PCDHGA1: variants seen among roughly 807,000 people sequenced by gnomAD.
PCDHGA1 encodes protocadherin gamma-A1.
A neutral mutation model predicts 58.0 loss-of-function variants in PCDHGA1; 32 were observed. The observed-to-expected ratio is 0.55, with a 90% confidence interval of 0.42 to 0.74. The LOEUF is 0.74. PCDHGA1 is among the 30% of genes least tolerant of loss of function. The pLI is 0.00. For missense variants in PCDHGA1, 1,205 were observed against 1,182.3 expected, an observed-to-expected ratio of 1.02 and a Z score of -0.28; for synonymous variants, 498 against 501.1, an observed-to-expected ratio of 0.99 and a Z score of 0.08.
At position 141,394,267 on chromosome 5, in the gene PCDHGA1, C is replaced by T. The variant is rs563732311; in HGVS notation, c.2421+61162C>T. 1.2e-5 allele frequency: 19 copies of T among 1,613,926 alleles called. No individual in the cohort carries two copies. In the South Asian group the frequency reaches 2.0e-4, roughly 17 times the overall value. On this transcript the variant is annotated intron_variant, in intron 1 of 3. Transcript: ENST00000517417. The stretch of plus-strand genomic sequence containing the variant: ...CACGACCCCGACAGCCAGGAGAATG[C>T]CCAGGTCACTTACTCTGTGACCGAG...
At chr5:141,343,248 A>G (rs897599390) in intron 1 of PCDHGA1, 1 of 927,050 alleles carries the variant, frequency 1.1e-6, no homozygotes, top group African/African-American at 1.8e-5. Context: ...AAATATCGAA[A>G]CTAAGTTATC....
intron 1 of PCDHGA1, chr5:141,400,097 A>G: frequency 6.2e-7 from 1 of 1,614,048 alleles, no homozygotes; most frequent in Non-Finnish European, 8.5e-7. Flanking sequence ...GCCACGCTGC[A>G]CTTGGTCTTT....
intron 3 of PCDHGA1, 72 bp from the exon 4 acceptor site, chr5:141,510,875 C>T: frequency 6.2e-7 from 1 of 1,610,120 alleles, no homozygotes; most frequent in Admixed American, 1.7e-5. Context: ...TCATTAACTG[C>T]TGGGGATATA....
chr5:141,427,895 G>T (rs539406412), intron 1 of PCDHGA1: 3 of 1,569,228 alleles, frequency 1.9e-6, no homozygotes, highest in South Asian at 2.2e-5. Context: ...ACCAGGGCTC[G>T]CCCGCGCTCA....
intron 1 of PCDHGA1, chr5:141,403,576 C>T (rs976638680): frequency 1.9e-6 from 3 of 1,613,946 alleles, no homozygotes; most frequent in Non-Finnish European, 2.5e-6. Context: ...CAACTGCCCA[C>T]CACCTGGTCC....
intron 1 of PCDHGA1, chr5:141,339,962 G>A (rs200945171): frequency 2.5e-6 from 4 of 1,614,152 alleles, no homozygotes; most frequent in Admixed American, 1.7e-5. Context: ...TCTAACCAGA[G>A]CGAAGGTTAT....
intron 1 of PCDHGA1, chr5:141,389,008 G>C (rs1264850198): frequency 6.2e-7 from 1 of 1,613,992 alleles, no homozygotes; most frequent in Admixed American, 1.7e-5. Context: ...AAGGATTCCA[G>C]ACACAATGGA....
At chr5:141,370,384 C>T (rs777134390) in intron 1 of PCDHGA1, 6 of 1,534,384 alleles carry the variant, frequency 3.9e-6, no homozygotes, top group Non-Finnish European at 5.2e-6. Context: ...GGCAAAGGCG[C>T]AGAGAGCGGG....
At chr5:141,365,022 C>A in intron 1 of PCDHGA1, 1 of 1,613,864 alleles carries the variant, frequency 6.2e-7, no homozygotes, top group South Asian at 1.1e-5. Flanking sequence ...ATCCGTGTTA[C>A]GGTCCTCGAC....
At chr5:141,423,745 C>A (rs561499055) in intron 1 of PCDHGA1, 2 of 605,688 alleles carry the variant, frequency 3.3e-6, no homozygotes, top group Non-Finnish European at 4.0e-6. Context: ...GTTATGAAAA[C>A]TGTTTGGGGG....
intron 1 of PCDHGA1, chr5:141,371,239 T>C (rs1319098085): frequency 6.2e-7 from 1 of 1,614,010 alleles, no homozygotes. Flanking sequence ...TATGCCTTCA[T>C]CAATATTGGC....
chr5:141,356,586 T>C (rs898846586), intron 1 of PCDHGA1: 1 of 1,614,058 alleles, frequency 6.2e-7, no homozygotes, highest in African/African-American at 1.3e-5. Context: ...CTTACATTCC[T>C]GAAAACAACC....
intron 1 of PCDHGA1, chr5:141,383,701 G>A (rs761689266): frequency 2.5e-6 from 4 of 1,613,810 alleles, no homozygotes; most frequent in South Asian, 1.1e-5. Flanking sequence ...ACATGCTATC[G>A]ACCTGGACGA....
At chr5:141,362,570 A>T (rs1444834123) in intron 1 of PCDHGA1, 1 of 1,606,622 alleles carries the variant, frequency 6.2e-7, no homozygotes, top group Non-Finnish European at 8.5e-7. Flanking sequence ...AGCTTTAATT[A>T]ATTTATTTTC....
intron 1 of PCDHGA1, among the ~76,000 whole-genome samples, chr5:141,460,983 G>GTGTGTGTA (rs1554142949): frequency 2.2e-5 from 3 of 137,844 alleles, no homozygotes; most frequent in African/African-American, 7.7e-5. Flanking sequence ...GTGTGTGTGT[G>GTGTGTGTA]TATATATATA....
chr5:141,372,554 A>T, intron 1 of PCDHGA1: 1 of 1,612,360 alleles, frequency 6.2e-7, no homozygotes, highest in Non-Finnish European at 8.5e-7. Flanking sequence ...GCTCCTCCAG[A>T]CCCGCCACTG....
At chr5:141,415,437 G>A in intron 1 of PCDHGA1, 1 of 1,614,200 alleles carries the variant, frequency 6.2e-7, no homozygotes, top group Non-Finnish European at 8.5e-7. Flanking sequence ...GGGCTTTCCT[G>A]CAGACCTATT....
intron 1 of PCDHGA1, among the ~76,000 whole-genome samples, chr5:141,452,579 A>G (rs1320327475): frequency 6.6e-6 from 1 of 151,944 alleles, no homozygotes; most frequent in Non-Finnish European, 1.5e-5. Context: ...CCCCCTTTCC[A>G]TCTTTGTATT....
In PCDHGA1 at chr5:141,330,944, C is replaced by G; in HGVS notation, c.260C>G (p.Ala87Gly). ...CCTAGAAGTGGCAGCTTGATCACCG[C>G]GCGCAGGATAGACCGGGAGGAGCTC... ...LNPRSGSLITARRIDREELCA... is the reference protein window; with the variant it reads ...LNPRSGSLITGRRIDREELCA... The change falls in exon 1 of 4, where the codon GCG becomes GGG. Residue 87 changes from alanine to glycine, a missense_variant. By Grantham distance (60) the Ala-to-Gly change is moderately conservative (BLOSUM62 0). Transcript: ENST00000517417. 1 of 1,614,216 alleles carries G rather than the reference C, an allele frequency of 6.2e-7. No individual in the cohort carries two copies. The highest frequency in any genetic ancestry group is 8.5e-7 in the Non-Finnish European group (1 of 1,180,038).
Sources: gnomAD v4.1 joint callset for allele counts (sites outside exome capture counted in the v4.1 genomes callset) on GRCh38, gnomAD v4.1.1 for gene constraint, MANE v1.5 for transcripts, NCBI Gene and HGNC (gene_info 2026-07-23, HGNC 2026-07-21) for gene names.